NKAIN3: variants seen among roughly 807,000 people sequenced by gnomAD.
NKAIN3 encodes the protein sodium/potassium transporting ATPase interacting 3.
Under a neutral mutation model 30.2 loss-of-function variants are expected in NKAIN3, and 25 were observed. The observed-to-expected ratio is 0.83, with a 90% CI of 0.60 to 1.16. NKAIN3 has a LOEUF of 1.16. Among genes scored for constraint, NKAIN3 ranks in the 50% most tolerant of loss-of-function variants. The pLI, the probability that NKAIN3 is intolerant of heterozygous loss-of-function variation, is 0.00. For synonymous variants in NKAIN3, 91 were observed against 89.6 expected (o/e 1.02, Z -0.09); for missense variants, 225 against 254.1 (o/e 0.89, Z 0.78).
In NKAIN3 at chr8:62,975,895, T is replaced by C. The variant is rs150301462; in HGVS notation, c.*10488T>C. 3.5e-3 allele frequency among the ~76,000 whole-genome samples: 529 copies of C among 152,308 alleles called. 3 individuals carry two copies. The highest frequency in any genetic ancestry group is 0.012 in the African/African-American group (512 of 41,558). ...CTGGTACATTGTGTCTTTGTTCTTG[T>C]TGGTTTCAAAGAACTTATTTATTTC... On this transcript the variant is annotated 3_prime_UTR_variant, in exon 7 of 7. Coordinates refer to ENST00000623646, the MANE Select transcript of NKAIN3 (RefSeq NM_001304533.3).
intron 1 of NKAIN3, among the ~76,000 whole-genome samples, chr8:62,339,848 T>A (rs1375323939): frequency 6.6e-6 from 1 of 152,058 alleles, no homozygotes; most frequent in Non-Finnish European, 1.5e-5. Flanking sequence ...AAAAAAAATC[T>A]AACATTTGCT....
At chr8:62,828,081 TAA>T (rs199884937) in intron 4 of NKAIN3, among the ~76,000 whole-genome samples, 3 of 147,462 alleles carry the variant, frequency 2.0e-5, no homozygotes, top group Non-Finnish European at 3.0e-5. Flanking sequence ...TACTCAGTAG[TAA>T]AAAAAAAAAA....
At chr8:62,249,750 A>G (rs1361800463) in intron 1 of NKAIN3, among the ~76,000 whole-genome samples, 3 of 151,998 alleles carry the variant, frequency 2.0e-5, no homozygotes, top group Admixed American at 1.3e-4. Context: ...TTGCATGTTC[A>G]GGCGGCGACA....
intron 1 of NKAIN3, among the ~76,000 whole-genome samples, chr8:62,337,377 C>T (rs1282824296): frequency 1.3e-5 from 2 of 151,692 alleles, no homozygotes; most frequent in Admixed American, 6.6e-5. Context: ...TCTCTACCTT[C>T]GAGGAGCTTA....
chr8:62,537,383 C>G (rs967524793), intron 1 of NKAIN3, among the ~76,000 whole-genome samples: 4 of 152,084 alleles, frequency 2.6e-5, no homozygotes, highest in Non-Finnish European at 4.4e-5. Flanking sequence ...ACATAATATT[C>G]TTTCTACTTA....
chr8:62,454,774 G>A (rs560704702), intron 1 of NKAIN3, among the ~76,000 whole-genome samples: 149 of 152,164 alleles, frequency 9.8e-4, no homozygotes, highest in African/African-American at 3.5e-3. Flanking sequence ...CACCAAAAGG[G>A]AAAAATAGTC....
At chr8:62,669,674 C>G (rs192091739) in intron 3 of NKAIN3, among the ~76,000 whole-genome samples, 28 of 152,196 alleles carry the variant, frequency 1.8e-4, no homozygotes, top group African/African-American at 6.7e-4. Flanking sequence ...CCTTTTTCTT[C>G]TGTTTGGCTT....
In NKAIN3 at chr8:62,966,298, G is replaced by T. The variant is rs543839918; in HGVS notation, c.*891G>T. 1.0e-6 allele frequency: 1 copy of T among 984,860 alleles called. No individual in the cohort carries two copies. Among genetic ancestry groups the T allele is most frequent in the Admixed American group, 6.1e-5 (1 of 16,274 alleles). 61.0% of individuals were successfully genotyped at this position (984,860 alleles called of 1,614,324 possible). On this transcript the variant is annotated 3_prime_UTR_variant, in exon 7 of 7. Coordinates refer to ENST00000623646, the MANE Select transcript of NKAIN3 (RefSeq NM_001304533.3). ...AGCATTCTCTATAAATACTTCTAAA[G>T]GAGACATTCACGTGTGAGCAACATC...
At chr8:62,819,619 G>T (rs148049592) in intron 4 of NKAIN3, among the ~76,000 whole-genome samples, 3 of 151,940 alleles carry the variant, frequency 2.0e-5, no homozygotes, top group African/African-American at 7.2e-5. Flanking sequence ...CATGTCATCA[G>T]GAATTAAAAA....
At chr8:62,790,640 A>G (rs1468086108) in intron 4 of NKAIN3, among the ~76,000 whole-genome samples, 1 of 151,784 alleles carries the variant, frequency 6.6e-6, no homozygotes, top group Non-Finnish European at 1.5e-5. Context: ...AAAGGAAAAT[A>G]ATTATTCTCT....
chr8:62,644,490 G>C (rs1812399309), intron 3 of NKAIN3, among the ~76,000 whole-genome samples: 1 of 151,912 alleles, frequency 6.6e-6, no homozygotes, highest in South Asian at 2.1e-4. Flanking sequence ...ATAAATCTGT[G>C]TTTAATATGT....
intron 1 of NKAIN3, among the ~76,000 whole-genome samples, chr8:62,261,454 G>T (rs994350540): frequency 6.6e-6 from 1 of 152,126 alleles, no homozygotes; most frequent in Non-Finnish European, 1.5e-5. Context: ...CACTATGAGG[G>T]AAAGTTATTT....
chr8:62,268,501 C>A (rs1011300415), intron 1 of NKAIN3, among the ~76,000 whole-genome samples: 3 of 152,072 alleles, frequency 2.0e-5, no homozygotes, highest in African/African-American at 7.2e-5. Flanking sequence ...GGCTGTTCTG[C>A]AAATTTCTCC....
intron 1 of NKAIN3, among the ~76,000 whole-genome samples, chr8:62,484,635 T>C (rs1458988386): frequency 1.3e-5 from 2 of 152,232 alleles, no homozygotes; most frequent in African/African-American, 4.8e-5. Flanking sequence ...ACTAATATGG[T>C]GAATGGAATA....
At chr8:62,346,080 A>C (rs1285209824) in intron 1 of NKAIN3, among the ~76,000 whole-genome samples, 1 of 152,042 alleles carries the variant, frequency 6.6e-6, no homozygotes, top group African/African-American at 2.4e-5. Flanking sequence ...GAGAGAGTGG[A>C]GAGGAAGGTG....
intron 4 of NKAIN3, among the ~76,000 whole-genome samples, chr8:62,886,865 G>A (rs542081600): frequency 6.6e-6 from 1 of 152,178 alleles, no homozygotes; most frequent in Admixed American, 6.5e-5. Flanking sequence ...TCCTCCCTGG[G>A]TCCCTGTGTT....
At chr8:62,519,552 A>G (rs1291776881) in intron 1 of NKAIN3, among the ~76,000 whole-genome samples, 1 of 152,196 alleles carries the variant, frequency 6.6e-6, no homozygotes, top group South Asian at 2.1e-4. Flanking sequence ...TTCAAAGAAG[A>G]AATAAAAAAT....
intron 1 of NKAIN3, among the ~76,000 whole-genome samples, chr8:62,462,171 G>A (rs188675640): frequency 3.4e-4 from 51 of 152,222 alleles, no homozygotes; most frequent in African/African-American, 1.1e-3. Context: ...GGCGCAGATG[G>A]GATGGCAGTT....
intron 1 of NKAIN3, among the ~76,000 whole-genome samples, chr8:62,468,043 T>C (rs1357288276): frequency 6.6e-6 from 1 of 152,152 alleles, no homozygotes; most frequent in African/African-American, 2.4e-5. Flanking sequence ...TATTTTTAAT[T>C]GAGTTTAACC....
Sources: gnomAD v4.1 joint callset for allele counts (sites outside exome capture counted in the v4.1 genomes callset) on GRCh38, gnomAD v4.1.1 for gene constraint, MANE v1.5 for transcripts, NCBI Gene and HGNC (gene_info 2026-07-23, HGNC 2026-07-21) for gene names.